Variants in PKD2L2 observed in about 807,000 individuals in gnomAD.
The protein encoded by PKD2L2 is polycystin 2 like 2, transient receptor potential cation channel, also known as polycystin-2-like protein 2.
PKD2L2 carries 67 observed loss-of-function variants against 83.9 expected under a neutral mutation model. The observed-to-expected ratio is 0.80, with a 90% CI of 0.66 to 0.98. The LOEUF (loss-of-function observed/expected upper bound fraction) is 0.98, where lower values mean the gene tolerates loss of function less well. Ranked by LOEUF, PKD2L2 falls within the 50% of genes least tolerant of loss-of-function variation. The pLI, the probability that PKD2L2 is intolerant of heterozygous loss-of-function variation, is 0.00. For missense variants in PKD2L2, 632 were observed against 717.2 expected (o/e 0.88, Z 1.36); for synonymous variants, 223 against 237.8 (o/e 0.94, Z 0.57).
At chr5:137,900,226 AGT>A (rs745343699) in intron 5 of PKD2L2, among the ~76,000 whole-genome samples, 6 of 152,200 alleles carry the variant, frequency 3.9e-5, no homozygotes, top group Non-Finnish European at 8.8e-5. Context: ...AGTGAACTCT[AGT>A]GTTATGAGTA....
intron 6 of PKD2L2, among the ~76,000 whole-genome samples, chr5:137,906,990 T>G (rs944422484): frequency 1.3e-5 from 2 of 152,134 alleles, no homozygotes; most frequent in Non-Finnish European, 2.9e-5. Context: ...TGCACTGAAA[T>G]AAACAGAGAT....
At chr5:137,907,986 G>A (rs1220634309) in intron 7 of PKD2L2, 74 bp downstream of exon 7, 1 of 689,184 alleles carries the variant, frequency 1.5e-6, no homozygotes, top group South Asian at 3.8e-5. Flanking sequence ...AAAAAGCCAT[G>A]GGGAAAAAAG....
intron 8 of PKD2L2, 74 bp downstream of exon 8, chr5:137,909,020 TATG>T: frequency 1.3e-6 from 1 of 764,208 alleles, no homozygotes; most frequent in Non-Finnish European, 2.1e-6. Flanking sequence ...TCTAACCTTC[TATG>T]ATAAGTAGTA....
chr5:137,898,492 G>GA (rs926767031), intron 4 of PKD2L2, among the ~76,000 whole-genome samples: 9 of 151,632 alleles, frequency 5.9e-5, no homozygotes, highest in Admixed American at 2.0e-4. Context: ...ACCTGTTAAA[G>GA]AAAAAAAACA....
At chr5:137,932,364 C>A (rs1357951082) in intron 12 of PKD2L2, among the ~76,000 whole-genome samples, 1 of 151,362 alleles carries the variant, frequency 6.6e-6, no homozygotes, top group Non-Finnish European at 1.5e-5. Flanking sequence ...AAAAAAGACA[C>A]AAAAATACAC....
intron 3 of PKD2L2, 76 bp downstream of exon 3, chr5:137,892,689 A>G (rs1451065974): frequency 8.2e-6 from 9 of 1,094,322 alleles, no homozygotes; most frequent in Non-Finnish European, 1.2e-5. Flanking sequence ...TGGGCACTCA[A>G]TGAATATCTT....
At chr5:137,897,303 C>T (rs758255641) in intron 4 of PKD2L2, among the ~76,000 whole-genome samples, 53 of 151,994 alleles carry the variant, frequency 3.5e-4, no homozygotes, top group Non-Finnish European at 6.5e-4. Context: ...GCAATTCACC[C>T]GCCTCGGCCT....
At chr5:137,942,285 AAAG>A in intron 14 of PKD2L2, 96 bp from the exon 15 acceptor site, 1 of 500,660 alleles carries the variant, frequency 2.0e-6, no homozygotes, top group Non-Finnish European at 3.5e-6. Context: ...ATCCAAAGGT[AAAG>A]AAGTGGATAT....
intron 12 of PKD2L2, among the ~76,000 whole-genome samples, chr5:137,928,671 A>G (rs1387049896): frequency 6.6e-6 from 1 of 152,164 alleles, no homozygotes; most frequent in Non-Finnish European, 1.5e-5. Context: ...GGCTCAAGTG[A>G]TCCACCCGCC....
chr5:137,924,766 C>T (rs569012533), intron 10 of PKD2L2, among the ~76,000 whole-genome samples: 93 of 152,234 alleles, frequency 6.1e-4, no homozygotes, highest in African/African-American at 2.1e-3. Flanking sequence ...ACATCCTTAA[C>T]GCAATACATG....
intron 8 of PKD2L2, among the ~76,000 whole-genome samples, chr5:137,918,081 A>T (rs1302627799): frequency 6.6e-6 from 1 of 152,222 alleles, no homozygotes; most frequent in Non-Finnish European, 1.5e-5. Flanking sequence ...TAAAAATTCA[A>T]ACCAGACATT....
chr5:137,908,835 A>C lies in PKD2L2; in HGVS notation c.1217A>C (p.Asp406Ala). Residue 406 changes from aspartate (D) to alanine (A), a missense_variant, in exon 8 of 15, where the codon GAC becomes GCC. Transcript: ENST00000508883. ...TCAACCTTGTCCCGTTGTGTTAAAG[A>C]CATAGTAGGATTTGCCATCATGTTT... ...LSSTLSRCVKDIVGFAIMFFI... is the reference protein window; with the variant it reads ...LSSTLSRCVKAIVGFAIMFFI... The C allele has an allele frequency of 4.4e-6, 7 of 1,593,432 alleles. No homozygotes were observed. Among genetic ancestry groups the C allele is most frequent in the Non-Finnish European group, 5.2e-6 (6 of 1,161,770 alleles).
chr5:137,921,739 GT>G lies in PKD2L2; in HGVS notation c.1433del (p.Val478GlyfsTer6). ...TTACTTCATCACTTTCATCTTTTTTGTGTTCTTTGTCCTGCTGGTAAGAATA... is the reference window on the plus strand; with the variant it reads ...TTACTTCATCACTTTCATCTTTTTTGGTTCTTTGTCCTGCTGGTAAGAATA... ...PIYFITFIFF[V>X]FFVLLNMFLA... On this transcript the variant is annotated frameshift_variant, in exon 9 of 15. Coordinates refer to ENST00000508883, the MANE Select transcript of PKD2L2 (RefSeq NM_001300921.2). LOFTEE classifies it high-confidence loss of function. 1 of 1,606,604 alleles carries G rather than the reference GT, an allele frequency of 6.2e-7. No homozygotes were observed. Among genetic ancestry groups the G allele is most frequent in the South Asian group, 1.1e-5 (1 of 90,012 alleles).
chr5:137,911,188 C>G (rs1407158226), intron 8 of PKD2L2, among the ~76,000 whole-genome samples: 1 of 152,194 alleles, frequency 6.6e-6, no homozygotes, highest in Non-Finnish European at 1.5e-5. Context: ...TTTGATTACT[C>G]TAGGTACCAC....
chr5:137,937,686 A>G (rs886718974), intron 14 of PKD2L2, among the ~76,000 whole-genome samples: 14 of 152,234 alleles, frequency 9.2e-5, no homozygotes, highest in Non-Finnish European at 1.8e-4. Context: ...CTGTACATCC[A>G]GTGTTCTTAA....
chr5:137,930,903 T>C (rs1165632547), intron 12 of PKD2L2, among the ~76,000 whole-genome samples: 1 of 151,858 alleles, frequency 6.6e-6, no homozygotes, highest in Non-Finnish European at 1.5e-5. Flanking sequence ...TAAACAATAG[T>C]AGTAGTATAA....
intron 1 of PKD2L2, chr5:137,890,154 G>T (rs921682645): frequency 5.4e-6 from 1 of 184,798 alleles, no homozygotes; most frequent in Admixed American, 6.3e-5. Context: ...GTGGTGGCGC[G>T]CGCCTGTAGT....
At chr5:137,933,797 T>C (rs769404318) in intron 12 of PKD2L2, among the ~76,000 whole-genome samples, 1 of 152,220 alleles carries the variant, frequency 6.6e-6, no homozygotes, top group Admixed American at 6.5e-5. Flanking sequence ...TGCTAGTTTG[T>C]GGCAGTAATC....
intron 5 of PKD2L2, among the ~76,000 whole-genome samples, chr5:137,902,406 GA>G (rs1750450426): frequency 1.3e-5 from 2 of 152,110 alleles, no homozygotes; most frequent in Non-Finnish European, 2.9e-5. Context: ...TGCCACCCCT[GA>G]GACAGCAAGA....
Sources: allele counts gnomAD v4.1 joint callset (sites outside exome capture counted in the v4.1 genomes callset), GRCh38; gene constraint gnomAD v4.1.1; transcripts MANE v1.5; gene names NCBI Gene and HGNC (gene_info 2026-07-23, HGNC 2026-07-21).